APOBR: variants seen among roughly 807,000 people sequenced by gnomAD.
APOBR encodes apoB-48R.
Under a neutral mutation model 88.5 loss-of-function variants are expected in APOBR, and 57 were observed. The ratio of observed to expected loss-of-function variants is 0.64; its 90% CI spans 0.52 to 0.80. The LOEUF (loss-of-function observed/expected upper bound fraction) is 0.80. APOBR is among the 30% of genes least tolerant of loss of function. The pLI is 0.00. For missense variants in APOBR, 1,443 were observed against 1,401.6 expected (o/e 1.03, Z -0.47); for synonymous variants, 588 against 572.7 (o/e 1.03, Z -0.38).
rs773504779 is a variant in APOBR at position 28,498,489 on chromosome 16, G to A, written c.3278G>A (p.Arg1093Gln). 63 of 1,599,240 alleles carry A rather than the reference G, an allele frequency of 3.9e-5. No individual in the cohort carries two copies. The highest frequency in any genetic ancestry group is 1.4e-4 in the Admixed American group (8 of 57,808). Residue 1093 changes from arginine to glutamine, a missense_variant, in exon 4 of 4, where the codon CGG (arginine) becomes CAG (glutamine). Coordinates refer to ENST00000564831, the MANE Select transcript of APOBR (RefSeq NM_018690.4). ...MMQELQARLG[R>Q]PKPQ ...CAGGAGCTGCAAGCCCGTCTGGGCCGGCCTAAGCCCCAGTGACTGAGACCC... is the reference window on the plus strand; with the variant it reads ...CAGGAGCTGCAAGCCCGTCTGGGCCAGCCTAAGCCCCAGTGACTGAGACCC...
At position 28,497,821 on chromosome 16, in the gene APOBR, GC is replaced by G; in HGVS notation, c.2782del (p.Arg928GlyfsTer66). On this transcript the variant is annotated frameshift_variant, in exon 2 of 4. Coordinates refer to ENST00000564831, the MANE Select transcript of APOBR (RefSeq NM_018690.4). LOFTEE classifies it high-confidence loss of function. ...GCAGAGGGTCTCATGGTGACCGGGGGCCGGAGGGCAGAGGCCAAGGAGACTG... is the reference window on the plus strand; with the variant it reads ...GCAGAGGGTCTCATGGTGACCGGGGGCGGAGGGCAGAGGCCAAGGAGACTG... ...LDAEGLMVTG[G>X]RRAEAKETEP... The G allele has an allele frequency of 6.2e-7, 1 of 1,607,642 alleles. No individual in the cohort carries two copies. Among genetic ancestry groups the G allele is most frequent in the Non-Finnish European group, 8.5e-7 (1 of 1,177,258 alleles).
Position 28,496,685 on chromosome 16 carries a change from C to T in APOBR, c.1644C>T (p.Gly548=), listed in dbSNP as rs201825043. 168 of 1,604,986 alleles carry T rather than the reference C, an allele frequency of 1.0e-4. No individual in the cohort carries two copies. In the African/African-American group the frequency reaches 2.0e-3, roughly 19 times the overall value. ...CCCAGACTAGCTGTGGCCTACTGGGCGTGGAATGGGGTGGCCTCACACACA... is the reference window on the plus strand; with the variant it reads ...CCCAGACTAGCTGTGGCCTACTGGGTGTGGAATGGGGTGGCCTCACACACA... The part of the protein sequence containing the change: ...EAAQTSCGLL[G]VEWGGLTHSV... The change falls in exon 2 of 4, where the codon GGC becomes GGT. Residue 548 remains glycine (G), a synonymous_variant. Coordinates refer to ENST00000564831, the MANE Select transcript of APOBR (RefSeq NM_018690.4).
Position 28,498,443 on chromosome 16 carries a change from C to T in APOBR, c.3232C>T (p.Leu1078Phe), listed in dbSNP as rs748120167. The T allele has an allele frequency of 4.4e-6, 7 of 1,601,614 alleles. No individual in the cohort carries two copies. Among genetic ancestry groups the T allele is most frequent in the Admixed American group, 1.7e-5 (1 of 58,020 alleles). ...CCTGACTTCCGCCTCCAGGTTTGGCCTCGCGCACCCTGGCATGATGCAGGA... is the reference window on the plus strand; with the variant it reads ...CCTGACTTCCGCCTCCAGGTTTGGCTTCGCGCACCCTGGCATGATGCAGGA... ...RRRPLGHGFG[L>F]AHPGMMQELQ... The change falls in exon 4 of 4, where the codon CTC becomes TTC. Residue 1078 changes from leucine to phenylalanine, a missense_variant. Leu to Phe is a conservative substitution (Grantham distance 22). Coordinates refer to ENST00000564831, the MANE Select transcript of APOBR (RefSeq NM_018690.4).
Position 28,496,405 on chromosome 16 carries a change from C to G in APOBR, c.1364C>G (p.Ala455Gly). The change falls in exon 2 of 4, where the codon GCA becomes GGA. Residue 455 changes from alanine to glycine, a missense_variant. By Grantham distance (60) the Ala-to-Gly change is moderately conservative. Transcript: ENST00000564831. ...AGREAVGGQE[A>G]GESFEGQVDL... ...AGGGAAGCTGTGGGAGGCCAGGAGG[C>G]AGGGGAGAGCTTTGAGGGCCAGGTA... 1 of 1,611,252 alleles carries G rather than the reference C, an allele frequency of 6.2e-7. No homozygotes were observed. The highest frequency in any genetic ancestry group is 8.5e-7 in the Non-Finnish European group (1 of 1,178,610).
rs1342001100 is a variant in APOBR, at chr16:28,496,590, A to C, written c.1549A>C (p.Thr517Pro). 6.4e-7 allele frequency: 1 copy of C among 1,568,022 alleles called. No individual in the cohort carries two copies. The highest frequency in any genetic ancestry group is 8.6e-7 in the Non-Finnish European group (1 of 1,156,280). ...GCCCTCAGATGGAGAGGCTGAAGGCACTGCCGACTTGGAGGCAACTCCAGA... is the reference window on the plus strand; with the variant it reads ...GCCCTCAGATGGAGAGGCTGAAGGCCCTGCCGACTTGGAGGCAACTCCAGA... The part of the protein sequence containing the change: ...ELPSDGEAEG[T>P]ADLEATPEAR... Residue 517 changes from threonine (T) to proline (P), a missense_variant, in exon 2 of 4, where the codon ACT becomes CCT. Physicochemically the swap from Thr to Pro is conservative, Grantham distance 38. Coordinates refer to ENST00000564831, the MANE Select transcript of APOBR (RefSeq NM_018690.4).
chr16:28,496,901 C>T lies in APOBR; in HGVS notation c.1860C>T (p.Phe620=). ...TAAAGCCTGAGGCCTCCGAGGCCTT[C>T]CCAGGAGCCTGGGAAAACCGCACGA... The part of the protein sequence containing the change: ...GSVKPEASEA[F]PGAWENRTRK... The change falls in exon 2 of 4, where the codon TTC becomes TTT. Residue 620 remains phenylalanine, a synonymous_variant. Transcript: ENST00000564831. 6.4e-7 allele frequency: 1 copy of T among 1,559,830 alleles called. No individual in the cohort carries two copies. Among genetic ancestry groups the T allele is most frequent in the African/African-American group, 1.4e-5 (1 of 73,324 alleles).
In APOBR at chr16:28,495,521, G is replaced by C. The variant is rs1185903614; in HGVS notation, c.480G>C (p.Gln160His). ...GGAGCGGCCAAGCCCAGGAGAGGCA[G>C]GAGTCCCATGAGCAGGAAGTGAACA... ...QDRSGQAQER[Q>H]ESHEQEVNRE... The change falls in exon 2 of 4, where the codon CAG (glutamine) becomes CAC (histidine). Residue 160 changes from glutamine to histidine, a missense_variant. Coordinates refer to ENST00000564831, the MANE Select transcript of APOBR (RefSeq NM_018690.4). The C allele has an allele frequency of 1.3e-6, 2 of 1,568,394 alleles. No homozygotes were observed. Among genetic ancestry groups the C allele is most frequent in the South Asian group, 2.3e-5 (2 of 85,224 alleles).
At position 28,495,387 on chromosome 16, in the gene APOBR, C is replaced by A. The variant is rs1322149357; in HGVS notation, c.346C>A (p.Gln116Lys). ...CTCCCATGGGTCCCAAGCAGAGAGG[C>A]AGGACAGTGGGGCTGGGGAGACAGC... ...GSSHGSQAER[Q>K]DSGAGETAKA... The change falls in exon 2 of 4, where the codon CAG (glutamine) becomes AAG (lysine). Residue 116 changes from glutamine to lysine, a missense_variant. Gln to Lys is a moderately conservative substitution (Grantham distance 53). Transcript: ENST00000564831. 1 of 1,563,242 alleles carries A rather than the reference C, an allele frequency of 6.4e-7. No individual in the cohort carries two copies.
Position 28,498,352 on chromosome 16 carries a change from A to G in APOBR, c.3224+3A>G, listed in dbSNP as rs1424708787. On this transcript the variant is annotated splice_donor_region_variant and intron_variant, in intron 3 of 3. Transcript: ENST00000564831. ...AGGAGAAGGCCCCTGGGACACGGGT[A>G]GGCACAGGGCAACTCAGCTGGGGTG... The G allele has an allele frequency of 6.3e-7, 1 of 1,597,106 alleles. No homozygotes were observed. The highest frequency in any genetic ancestry group is 8.5e-7 in the Non-Finnish European group (1 of 1,169,692).
chr16:28,495,492 G>T lies in APOBR; in HGVS notation c.451G>T (p.Asp151Tyr), dbSNP rs772800520. 70 of 1,567,388 alleles carry T rather than the reference G, an allele frequency of 4.5e-5. No individual in the cohort carries two copies. Among genetic ancestry groups the T allele is most frequent in the Non-Finnish European group, 5.7e-5 (66 of 1,156,388 alleles). The change falls in exon 2 of 4, where the codon GAC (aspartate) becomes TAC (tyrosine). Residue 151 changes from aspartate (D) to tyrosine (Y), a missense_variant. Transcript: ENST00000564831. ...CAAGGCAGGGTCTGGGGCTTGCCAA[G>T]ACAGGAGCGGCCAAGCCCAGGAGAG... Reference protein sequence around the residue: ...KSKAGSGACQDRSGQAQERQE... With the variant: ...KSKAGSGACQYRSGQAQERQE...
At position 28,496,533 on chromosome 16, in the gene APOBR, A is replaced by G. The variant is rs774293295; in HGVS notation, c.1492A>G (p.Arg498Gly). ...ACAGGCAGAGGAGGCCCAGGAGGAG[A>G]GAGGGAGCAGCAGGGATCCAGTGGC... is the stretch of plus-strand genomic sequence containing the variant. ...LVQAEEAQEE[R>G]GSSRDPVAEL... Residue 498 changes from arginine to glycine, a missense_variant, in exon 2 of 4, where the codon AGA becomes GGA. Transcript: ENST00000564831. 7 of 1,573,484 alleles carry G rather than the reference A, an allele frequency of 4.4e-6. No individual in the cohort carries two copies. The South Asian group carries it at 8.3e-5, about 19-fold the overall frequency.
chr16:28,494,907 A>T, intron 1 of APOBR, 169 bp downstream of exon 1: 1 of 849,076 alleles, frequency 1.2e-6, no homozygotes, highest in Non-Finnish European at 1.8e-6. Flanking sequence ...TCTGAATTTC[A>T]GTCCCCACCT....
In APOBR at chr16:28,497,039, A is replaced by G. The variant is rs762259799; in HGVS notation, c.1998A>G (p.Arg666=). The change falls in exon 2 of 4, where the codon CGA becomes CGG. Residue 666 remains arginine, a synonymous_variant. Transcript: ENST00000564831. ...TGGCGGCTGAGGCTGAAGGAGACCGAGAGTCTGAACTATCAGAAGTCCCAG... is the reference window on the plus strand; with the variant it reads ...TGGCGGCTGAGGCTGAAGGAGACCGGGAGTCTGAACTATCAGAAGTCCCAG... ...QTLAAEAEGD[R]ESELSEVPEA... 2.8e-5 allele frequency: 44 copies of G among 1,586,440 alleles called. No homozygotes were observed. Among genetic ancestry groups the G allele is most frequent in the Non-Finnish European group, 3.6e-5 (42 of 1,167,100 alleles).
rs1288012622 is a variant in APOBR at position 28,497,510 on chromosome 16, C to T, written c.2469C>T (p.Gly823=). 1 of 1,612,436 alleles carries T rather than the reference C, an allele frequency of 6.2e-7. No individual in the cohort carries two copies. Among genetic ancestry groups the T allele is most frequent in the African/African-American group, 1.3e-5 (1 of 74,844 alleles). ...CAGAGGAAGAGGTGACTGGCAGAGGCAGCCAAGTAGAGGCTTTTGAGTCCA... is the reference window on the plus strand; with the variant it reads ...CAGAGGAAGAGGTGACTGGCAGAGGTAGCCAAGTAGAGGCTTTTGAGTCCA... ...GSAEEEVTGR[G]SQVEAFESRE... is the part of the protein sequence containing the mutation. The change falls in exon 2 of 4, where the codon GGC becomes GGT. Residue 823 remains glycine, a synonymous_variant. Coordinates refer to ENST00000564831, the MANE Select transcript of APOBR (RefSeq NM_018690.4).
Position 28,495,591 on chromosome 16 carries a change from GA to G in APOBR, c.551del (p.Glu184GlyfsTer68). 7 of 1,562,650 alleles carry G rather than the reference GA, an allele frequency of 4.5e-6. No homozygotes were observed. The highest frequency in any genetic ancestry group is 6.1e-6 in the Non-Finnish European group (7 of 1,153,296). On this transcript the variant is annotated frameshift_variant, in exon 2 of 4. Coordinates refer to ENST00000564831, the MANE Select transcript of APOBR (RefSeq NM_018690.4). LOFTEE classifies it high-confidence loss of function. Reference protein sequence around the residue: ...RSWEQEEEEEEVRAREPGMAR... With the variant: ...RSWEQEEEEEXVRAREPGMAR... ...CTGGGAACAGGAGGAGGAGGAGGAA[GA>G]GGTCAGGGCAAGAGAGCCAGGGATG...
Position 28,496,880 on chromosome 16 carries a change from G to A in APOBR, c.1839G>A (p.Lys613=), listed in dbSNP as rs1344150745. 3 of 1,560,886 alleles carry A rather than the reference G, an allele frequency of 1.9e-6. No individual in the cohort carries two copies. In the East Asian group the frequency reaches 7.2e-5, roughly 37 times the overall value. Residue 613 remains lysine, a synonymous_variant, in exon 2 of 4, where the codon AAG becomes AAA. Transcript: ENST00000564831. ...GTCCCAGGCACGCGGGGTCTGTAAA[G>A]CCTGAGGCCTCCGAGGCCTTCCCAG... is the stretch of plus-strand genomic sequence containing the variant. ...EAGPRHAGSV[K]PEASEAFPGA... is the part of the protein sequence containing the mutation.
rs757908727 is a variant in APOBR, at chr16:28,496,968, G to C, written c.1927G>C (p.Asp643His). The change falls in exon 2 of 4, where the codon GAT becomes CAT. Residue 643 changes from aspartate to histidine, a missense_variant. By Grantham distance (81) the Asp-to-His change is moderately conservative. Transcript: ENST00000564831. ...ERGNTQEDAA[D>H]GEQREEEETA... ...AGGAAATACTCAGGAGGATGCGGCC[G>C]ATGGCGAGCAGCGGGAGGAGGAGGA... is the stretch of plus-strand genomic sequence containing the variant. 4 of 1,559,312 alleles carry C rather than the reference G, an allele frequency of 2.6e-6. No individual in the cohort carries two copies. The highest frequency in any genetic ancestry group is 3.5e-6 in the Non-Finnish European group (4 of 1,152,514).
rs1203521608 is a variant in APOBR at position 28,496,019 on chromosome 16, G to A, written c.978G>A (p.Glu326=). Residue 326 remains glutamate (E), a synonymous_variant, in exon 2 of 4, where the codon GAG becomes GAA. Transcript: ENST00000564831. ...GEEAETASGG[E]EAGTASGGEE... ...AGGCTGAAACAGCCTCAGGCGGGGA[G>A]GAGGCCGGGACAGCCTCGGGAGGGG... The A allele has an allele frequency of 6.2e-7, 1 of 1,601,574 alleles. No individual in the cohort carries two copies. The highest frequency in any genetic ancestry group is 1.7e-5 in the Admixed American group (1 of 59,310).
rs2046382830 is a variant in APOBR, at chr16:28,495,530, T to C, written c.489T>C (p.His163=). 1 of 1,567,808 alleles carries C rather than the reference T, an allele frequency of 6.4e-7. No homozygotes were observed. The highest frequency in any genetic ancestry group is 8.6e-7 in the Non-Finnish European group (1 of 1,156,884). Residue 163 remains histidine (H), a synonymous_variant, in exon 2 of 4, where the codon CAT becomes CAC. Coordinates refer to ENST00000564831, the MANE Select transcript of APOBR (RefSeq NM_018690.4). ...AAGCCCAGGAGAGGCAGGAGTCCCA[T>C]GAGCAGGAAGTGAACAGAGAAGAGA... ...SGQAQERQES[H]EQEVNREERL... is the part of the protein sequence containing the mutation.
Sources: gnomAD v4.1 joint callset for allele counts on GRCh38, gnomAD v4.1.1 for gene constraint, MANE v1.5 for transcripts, NCBI Gene and HGNC (gene_info 2026-07-23, HGNC 2026-07-21) for gene names.